Variants in CSMD2 observed in about 807,000 individuals in gnomAD.
CSMD2 encodes the protein CUB and sushi domain-containing protein 2.
In CSMD2, 130 loss-of-function variants were observed where a neutral mutation model predicts 398.5. The ratio of observed to expected loss-of-function variants is 0.33; its 90% CI spans 0.28 to 0.38. The LOEUF (loss-of-function observed/expected upper bound fraction) is 0.38. CSMD2 is among the 10% of genes least tolerant of loss of function. The pLI is 1.00. For synonymous variants in CSMD2, 1,828 were observed against 1,908.5 expected (o/e 0.96, Z 1.10); for missense variants, 3,829 against 4,764.9 (o/e 0.80, Z 5.78).
At chr1:34,017,279 T>C (rs1432845304) in intron 3 of CSMD2, among the ~76,000 whole-genome samples, 1 of 152,240 alleles carries the variant, frequency 6.6e-6, no homozygotes, top group African/African-American at 2.4e-5. Context: ...CCATTGGACA[T>C]TGTTCTACTC....
chr1:33,828,293 G>C lies in CSMD2; in HGVS notation c.1034-2519C>G, dbSNP rs567517661. 3.3e-5 allele frequency among the ~76,000 whole-genome samples: 5 copies of C among 152,332 alleles called. No individual in the cohort carries two copies. In the South Asian group the frequency reaches 1.0e-3, roughly 32 times the overall value. On this transcript the variant is annotated intron_variant, in intron 6 of 70. Coordinates refer to ENST00000373381, the MANE Select transcript of CSMD2 (RefSeq NM_001281956.2). ...CCTAGCTAATACAGTGCGGCAGGGG[G>C]ATAGCCCTCTGATTCACTATCCCTG...
chr1:34,059,260 C>A (rs533428121), intron 2 of CSMD2, among the ~76,000 whole-genome samples: 8 of 152,272 alleles, frequency 5.3e-5, no homozygotes, highest in African/African-American at 1.9e-4. Flanking sequence ...AAAAGCTACA[C>A]CCCAAGGGCT....
chr1:33,836,176 C>G (rs1453492100), intron 6 of CSMD2, among the ~76,000 whole-genome samples: 13 of 152,310 alleles, frequency 8.5e-5, no homozygotes, highest in Non-Finnish European at 1.8e-4. Flanking sequence ...TGCAGAACAG[C>G]AGATATTGGT....
At chr1:33,522,944 T>C (rs1415814665) in intron 67 of CSMD2, among the ~76,000 whole-genome samples, 2 of 152,220 alleles carry the variant, frequency 1.3e-5, no homozygotes, top group African/African-American at 4.8e-5. Flanking sequence ...AGAAGTTCAA[T>C]GTAGTCATGT....
In CSMD2 at chr1:33,550,322, C is replaced by G. The variant is rs762621710; in HGVS notation, c.8772G>C (p.Pro2924=). Residue 2924 remains proline (P), a synonymous_variant, in exon 56 of 71, where the codon CCG becomes CCC. Coordinates refer to ENST00000373381, the MANE Select transcript of CSMD2 (RefSeq NM_001281956.2). ...LLVSCGHPGS[P]PHSQMSGDSY... is the part of the protein sequence containing the mutation. ...TGTCTCCAGACATCTGGGAGTGAGG[C>G]GGGGAGCCCGGATGGCCACAGGACA... is the stretch of plus-strand genomic sequence containing the variant. 1.2e-6 allele frequency: 2 copies of G among 1,614,034 alleles called. No homozygotes were observed. Among genetic ancestry groups the G allele is most frequent in the Non-Finnish European group, 1.7e-6 (2 of 1,179,928 alleles).
At chr1:34,131,993 T>G (rs972500675) in intron 1 of CSMD2, among the ~76,000 whole-genome samples, 1 of 152,110 alleles carries the variant, frequency 6.6e-6, no homozygotes, top group Non-Finnish European at 1.5e-5. Context: ...CAACCTCTCA[T>G]GGGCCACAAA....
At chr1:34,077,516 C>A (rs1403915577) in intron 2 of CSMD2, among the ~76,000 whole-genome samples, 2 of 140,424 alleles carry the variant, frequency 1.4e-5, no homozygotes, top group Non-Finnish European at 3.0e-5. Context: ...GCGGGCGAAT[C>A]ATGAGGTCAA....
At chr1:33,873,054 G>T (rs1438597123) in intron 5 of CSMD2, among the ~76,000 whole-genome samples, 1 of 152,152 alleles carries the variant, frequency 6.6e-6, no homozygotes, top group African/African-American at 2.4e-5. Context: ...GGCATATGGG[G>T]GGCAGATAAT....
chr1:33,600,229 T>C (rs183411463), intron 44 of CSMD2: 2 of 711,898 alleles, frequency 2.8e-6, no homozygotes, highest in East Asian at 5.4e-5. Context: ...CTGGTTAAAA[T>C]ATCTGCAGTG....
chr1:34,123,087 C>G (rs1662358159), intron 1 of CSMD2, among the ~76,000 whole-genome samples: 1 of 152,194 alleles, frequency 6.6e-6, no homozygotes, highest in Non-Finnish European at 1.5e-5. Context: ...TCCTTGGGAT[C>G]TCCCAAGTGC....
chr1:34,165,315 C>CG (rs1641787914), upstream of CSMD2: 2 of 1,190,592 alleles, frequency 1.7e-6, no homozygotes, highest in African/African-American at 1.6e-5. Flanking sequence ...GGGTTCGCGC[C>CG]GGGGGGCGGG....
chr1:33,573,680 C>T (rs1455266254), intron 49 of CSMD2, among the ~76,000 whole-genome samples: 1 of 152,090 alleles, frequency 6.6e-6, no homozygotes, highest in East Asian at 1.9e-4. Flanking sequence ...ATCCTCAATA[C>T]AGAAGGTCCA....
intron 1 of CSMD2, among the ~76,000 whole-genome samples, chr1:34,096,242 G>T (rs1362922108): frequency 2.0e-5 from 3 of 151,802 alleles, no homozygotes; most frequent in Non-Finnish European, 4.4e-5. Flanking sequence ...AATAAATTAG[G>T]TATTGATGGG....
chr1:33,659,313 T>C (rs1041555210), intron 26 of CSMD2, among the ~76,000 whole-genome samples: 18 of 152,200 alleles, frequency 1.2e-4, no homozygotes, highest in Middle Eastern at 3.4e-3. Flanking sequence ...CAAGAGTTAG[T>C]CCAGAGAAAG....
chr1:34,008,735 C>T (rs11590584), intron 3 of CSMD2, among the ~76,000 whole-genome samples: 13,002 of 152,196 alleles, frequency 0.085, 1,101 homozygotes, highest in East Asian at 0.4. Flanking sequence ...TTGTATTTAT[C>T]TGTGTGGTTG....
intron 1 of CSMD2, among the ~76,000 whole-genome samples, chr1:34,135,741 G>C (rs574800827): frequency 1.1e-4 from 17 of 150,854 alleles, no homozygotes; most frequent in African/African-American, 4.1e-4. Flanking sequence ...AGAGGTATAA[G>C]AGACATTTCT....
At chr1:33,676,148 A>T (rs1488585401) in intron 25 of CSMD2, among the ~76,000 whole-genome samples, 1 of 152,246 alleles carries the variant, frequency 6.6e-6, no homozygotes, top group African/African-American at 2.4e-5. Context: ...GTATTCAATT[A>T]GGAAAAGAGG....
intron 27 of CSMD2, among the ~76,000 whole-genome samples, chr1:33,653,886 T>C (rs772016310): frequency 2.0e-5 from 3 of 152,142 alleles, no homozygotes; most frequent in African/African-American, 7.2e-5. Flanking sequence ...TGAGTCTTTG[T>C]GGGGGGAGCA....
intron 2 of CSMD2, among the ~76,000 whole-genome samples, chr1:34,052,465 G>C (rs1412480905): frequency 1.3e-5 from 2 of 148,302 alleles, no homozygotes; most frequent in Admixed American, 6.8e-5. Flanking sequence ...CATGGGGGGG[G>C]GGTCGAGAAA....
Sources: allele counts gnomAD v4.1 joint callset (sites outside exome capture counted in the v4.1 genomes callset), GRCh38; gene constraint gnomAD v4.1.1; transcripts MANE v1.5; gene names NCBI Gene and HGNC (gene_info 2026-07-23, HGNC 2026-07-21).